PCDHA1: variants seen among roughly 807,000 people sequenced by gnomAD.
The protein encoded by PCDHA1 is protocadherin alpha 1.
Under a neutral mutation model 61.3 loss-of-function variants are expected in PCDHA1, and 42 were observed. The ratio of observed to expected loss-of-function variants is 0.69; its 90% CI spans 0.54 to 0.89. PCDHA1 has a LOEUF of 0.89. Ranked by LOEUF, PCDHA1 falls within the 40% of genes least tolerant of loss-of-function variation. The pLI, the probability that PCDHA1 is intolerant of heterozygous loss-of-function variation, is 0.00. For missense variants in PCDHA1, 1,256 were observed against 1,235.3 expected (o/e 1.02, Z -0.25); for synonymous variants, 610 against 553.8 (o/e 1.10, Z -1.43).
At chr5:140,920,616 C>T (rs929240808) in intron 1 of PCDHA1, among the ~76,000 whole-genome samples, 3 of 152,128 alleles carry the variant, frequency 2.0e-5, no homozygotes, top group Admixed American at 1.3e-4. Context: ...GAGGCCGAGG[C>T]GGATGGATCA....
intron 3 of PCDHA1, among the ~76,000 whole-genome samples, chr5:140,998,290 C>T (rs782194130): frequency 3.9e-5 from 6 of 152,180 alleles, no homozygotes; most frequent in Admixed American, 2.6e-4. Context: ...TAAATCAGAT[C>T]ACACATTTAG....
At chr5:140,920,405 A>T (rs1253203896) in intron 1 of PCDHA1, among the ~76,000 whole-genome samples, 1 of 152,118 alleles carries the variant, frequency 6.6e-6, no homozygotes, top group Non-Finnish European at 1.5e-5. Context: ...TCTTTTTTTA[A>T]TCAGATACAG....
intron 1 of PCDHA1, chr5:140,864,396 G>T (rs2048459702): frequency 6.6e-6 from 1 of 152,210 alleles, no homozygotes; most frequent in South Asian, 2.1e-4. Flanking sequence ...CACAAATGGT[G>T]ATGAGCAGGG....
chr5:140,915,138 G>A (rs139042327), intron 1 of PCDHA1, among the ~76,000 whole-genome samples: 2,353 of 151,838 alleles, frequency 0.015, 60 homozygotes, highest in African/African-American at 0.053. Context: ...TAGTAGAGAC[G>A]GGGTTTCACC....
rs2150127505 is a variant in PCDHA1 at position 140,823,621 on chromosome 5, A to G, written c.2394+34937A>G. On this transcript the variant is annotated intron_variant, in intron 1 of 3. Transcript: ENST00000504120. ...GTATGAGCTGCAGCCAGCGCCTGGCAGTGCGCGCATCCCGTTCCGCGTGGG... is the reference window on the plus strand; with the variant it reads ...GTATGAGCTGCAGCCAGCGCCTGGCGGTGCGCGCATCCCGTTCCGCGTGGG... 5 of 1,613,864 alleles carry G rather than the reference A, an allele frequency of 3.1e-6. No individual in the cohort carries two copies. The highest frequency in any genetic ancestry group is 1.7e-5 in the Admixed American group (1 of 60,008).
chr5:140,899,531 CA>C (rs2067387177), intron 1 of PCDHA1, among the ~76,000 whole-genome samples: 1 of 152,140 alleles, frequency 6.6e-6, no homozygotes, highest in Non-Finnish European at 1.5e-5. Context: ...GGATGAAGCC[CA>C]CTTGATCATG....
At chr5:140,824,989 C>T (rs1768412493) in intron 1 of PCDHA1, 3 of 151,936 alleles carry the variant, frequency 2.0e-5, no homozygotes, top group African/African-American at 7.3e-5. Context: ...ATAGGAAACA[C>T]ATATACATGG....
Position 140,857,049 on chromosome 5 carries a change from C to T in PCDHA1, c.2394+68365C>T, listed in dbSNP as rs1390810771. On this transcript the variant is annotated intron_variant, in intron 1 of 3. Coordinates refer to ENST00000504120, the MANE Select transcript of PCDHA1 (RefSeq NM_018900.4). ...AACCCACCTATGGTTGGTCACTGCA[C>T]GGTCCTAGTGGAACTACTGGATGAA... 3.1e-6 allele frequency: 5 copies of T among 1,595,184 alleles called. No homozygotes were observed. In the African/African-American group the frequency reaches 5.4e-5, roughly 17 times the overall value.
In PCDHA1 at chr5:140,786,162, G is replaced by C. The variant is rs554881858; in HGVS notation, c.-129G>C. The C allele has an allele frequency of 9.1e-6, 11 of 1,205,166 alleles. No individual in the cohort carries two copies. In the East Asian group the frequency reaches 2.3e-4, roughly 26 times the overall value. 74.7% of individuals were successfully genotyped at this position (1,205,166 alleles called of 1,614,324 possible). A position where few individuals can be genotyped will look rare whatever the true frequency, so the allele number is the denominator to read the frequency against. ...GCTACTGATCACTAAAAGTGAAGGA[G>C]GAAGCTCCATTTTGTCACCGCCTGA... is the stretch of plus-strand genomic sequence containing the variant. On this transcript the variant is annotated 5_prime_UTR_variant, in exon 1 of 4. Coordinates refer to ENST00000504120, the MANE Select transcript of PCDHA1 (RefSeq NM_018900.4).
At chr5:140,809,089 G>T (rs782049907) in intron 1 of PCDHA1, 4 of 1,613,934 alleles carry the variant, frequency 2.5e-6, no homozygotes, top group Non-Finnish European at 2.5e-6. Flanking sequence ...TCAGCACAAC[G>T]CGTGCCCTGG....
rs190183922 is a variant in PCDHA1, at chr5:140,912,839, T to C, written c.2395-66110T>C. ...AGGGATTTTGAATTTTATTAAATGC[T>C]TTTTCAGCATCAATTGAAATGATAT... On this transcript the variant is annotated intron_variant, in intron 1 of 3. Coordinates refer to ENST00000504120, the MANE Select transcript of PCDHA1 (RefSeq NM_018900.4). Among the ~76,000 whole-genome samples the C allele has an allele frequency of 6.6e-5, 10 of 152,356 alleles. No individual in the cohort carries two copies. In the East Asian group the frequency reaches 1.9e-3, roughly 29 times the overall value.
At position 140,807,209 on chromosome 5, in the gene PCDHA1, G is replaced by A. The variant is rs782421232; in HGVS notation, c.2394+18525G>A. On this transcript the variant is annotated intron_variant, in intron 1 of 3. Transcript: ENST00000504120. ...AAAGATGGAGTTTTCCTGGGGAAGC[G>A]GCCAGGAATCCCGGCGTCTGCTGCT... 2.2e-5 allele frequency: 36 copies of A among 1,613,838 alleles called. No individual in the cohort carries two copies. Among genetic ancestry groups the A allele is most frequent in the Non-Finnish European group, 3.1e-5 (36 of 1,179,840 alleles).
chr5:140,869,587 A>G (rs1581901588), intron 1 of PCDHA1: 1 of 1,614,158 alleles, frequency 6.2e-7, no homozygotes, highest in African/African-American at 1.3e-5. Flanking sequence ...TGATGCTGAC[A>G]TTGAAGAGAA....
intron 1 of PCDHA1, chr5:140,802,917 G>C (rs892863974): frequency 1.2e-6 from 2 of 1,613,668 alleles, no homozygotes; most frequent in East Asian, 2.2e-5. Flanking sequence ...GGGTGGCATC[G>C]GTGGCGCAGT....
At chr5:140,997,833 A>G (rs2097787444) in intron 3 of PCDHA1, among the ~76,000 whole-genome samples, 1 of 152,230 alleles carries the variant, frequency 6.6e-6, no homozygotes. Flanking sequence ...TCTAAACAAT[A>G]CAATATACAT....
chr5:140,848,035 A>G (rs1554141975), intron 1 of PCDHA1: 1 of 158,990 alleles, frequency 6.3e-6, no homozygotes, highest in African/African-American at 2.4e-5. Flanking sequence ...TGATTGCTCA[A>G]TGGAATCATT....
Position 140,977,158 on chromosome 5 carries a change from A to G in PCDHA1, c.2395-1791A>G, listed in dbSNP as rs6862693. Among the ~76,000 whole-genome samples, 983 of 152,340 alleles carry G rather than the reference A, an allele frequency of 6.5e-3. 6 individuals carry two copies. The highest frequency in any genetic ancestry group is 0.023 in the African/African-American group (951 of 41,586). ...CAGTCCTGCTGGAACTGTGCCTTTC[A>G]GCAAAATGAGTTTGATGATTTCATT... On this transcript the variant is annotated intron_variant, in intron 1 of 3. Transcript: ENST00000504120.
At chr5:140,921,285 T>G (rs1275527554) in intron 1 of PCDHA1, among the ~76,000 whole-genome samples, 1 of 152,180 alleles carries the variant, frequency 6.6e-6, no homozygotes. Context: ...GAAAAAAACC[T>G]CAAATTTGCT....
intron 1 of PCDHA1, chr5:140,929,152 T>TA (rs1322546333): frequency 2.5e-6 from 4 of 1,614,072 alleles, no homozygotes; most frequent in Non-Finnish European, 3.4e-6. Flanking sequence ...TTCTCAGACT[T>TA]ATCTCTATCG....
Sources: allele counts gnomAD v4.1 joint callset (sites outside exome capture counted in the v4.1 genomes callset), GRCh38; gene constraint gnomAD v4.1.1; transcripts MANE v1.5; gene names NCBI Gene and HGNC (gene_info 2026-07-23, HGNC 2026-07-21).